The following BCAR3 variants were observed in gnomAD, a reference collection of about 807,000 sequenced individuals.
BCAR3 encodes the protein BCAR3 adaptor protein, NSP family member.
A neutral mutation model predicts 80.1 loss-of-function variants in BCAR3; 37 were observed. The ratio of observed to expected loss-of-function variants is 0.46; its 90% CI spans 0.36 to 0.61. BCAR3 has a LOEUF of 0.61. BCAR3 is among the 20% of genes least tolerant of loss of function. The pLI is 0.00. For missense variants in BCAR3, 978 were observed against 1,068.2 expected (o/e 0.92, Z 1.18); for synonymous variants, 389 against 418.9 (o/e 0.93, Z 0.87).
intron 2 of BCAR3, among the ~76,000 whole-genome samples, chr1:93,803,776 A>T (rs1653571725): frequency 6.6e-6 from 1 of 152,234 alleles, no homozygotes; most frequent in Non-Finnish European, 1.5e-5. Context: ...AAACTCAGGG[A>T]ACACTGAGAA....
intron 3 of BCAR3, among the ~76,000 whole-genome samples, chr1:93,631,398 C>A (rs956096401): frequency 9.9e-5 from 15 of 152,178 alleles, no homozygotes; most frequent in African/African-American, 3.4e-4. Flanking sequence ...GGACACAATT[C>A]AACCCACAGC....
At chr1:93,737,977 G>A (rs1176363037) in intron 2 of BCAR3, among the ~76,000 whole-genome samples, 6 of 152,114 alleles carry the variant, frequency 3.9e-5, no homozygotes. Context: ...GGATAAGCAA[G>A]CACAACCATG....
chr1:93,562,287 A>G lies in BCAR3; in HGVS notation c.2432T>C (p.Leu811Pro), dbSNP rs1672711754. 1 of 1,613,990 alleles carries G rather than the reference A, an allele frequency of 6.2e-7. No individual in the cohort carries two copies. The highest frequency in any genetic ancestry group is 1.7e-5 in the Admixed American group (1 of 60,000). The change falls in exon 12 of 12, where the codon CTC becomes CCC. Residue 811 changes from leucine to proline, a missense_variant. Leu to Pro is a moderately conservative substitution (Grantham distance 98). Transcript: ENST00000260502. The part of the protein sequence containing the change: ...YEKFNQILTA[L>P]SRKLEPPPVK... ...AGGAGGAGGTTCCAATTTACGCGAGAGGGCAGTTAAAATCTGGTTGAATTT... is the reference window on the plus strand; with the variant it reads ...AGGAGGAGGTTCCAATTTACGCGAGGGGGCAGTTAAAATCTGGTTGAATTT...
chr1:93,674,470 T>G, intron 2 of BCAR3, 144 bp downstream of exon 2: 2 of 893,194 alleles, frequency 2.2e-6, no homozygotes, highest in South Asian at 3.6e-5. Flanking sequence ...TGGTCTGGTC[T>G]CAAACTCCTA....
At chr1:93,609,122 C>G (rs1323348425) in intron 3 of BCAR3, among the ~76,000 whole-genome samples, 1 of 152,178 alleles carries the variant, frequency 6.6e-6, no homozygotes, top group Non-Finnish European at 1.5e-5. Flanking sequence ...GCCTGGCACT[C>G]TAGGATGGGC....
chr1:93,657,152 A>G (rs1034611638), intron 2 of BCAR3, among the ~76,000 whole-genome samples: 5 of 152,228 alleles, frequency 3.3e-5, no homozygotes, highest in African/African-American at 1.2e-4. Context: ...CAACCAACAT[A>G]AAGACTTGAC....
chr1:93,721,538 C>G (rs1372874203), intron 2 of BCAR3, among the ~76,000 whole-genome samples: 1 of 152,196 alleles, frequency 6.6e-6, no homozygotes, highest in Admixed American at 6.5e-5. Flanking sequence ...GATACAGGCC[C>G]CAGTGGCCAG....
At chr1:93,619,587 G>C (rs1273590096) in intron 3 of BCAR3, among the ~76,000 whole-genome samples, 1 of 152,192 alleles carries the variant, frequency 6.6e-6, no homozygotes, top group Admixed American at 6.5e-5. Flanking sequence ...ACTTTTGGTA[G>C]GCATGAGCTA....
intron 2 of BCAR3, among the ~76,000 whole-genome samples, chr1:93,766,973 T>A (rs1269133126): frequency 3.3e-5 from 5 of 152,176 alleles, no homozygotes; most frequent in African/African-American, 1.2e-4. Flanking sequence ...TATATAGCTC[T>A]GAGGGTGGGG....
intron 2 of BCAR3, among the ~76,000 whole-genome samples, chr1:93,812,447 T>C (rs1653880987): frequency 6.6e-6 from 1 of 152,160 alleles, no homozygotes; most frequent in Non-Finnish European, 1.5e-5. Flanking sequence ...ACCTGCCAAA[T>C]ATGGTCCAAA....
intron 2 of BCAR3, among the ~76,000 whole-genome samples, chr1:93,787,742 T>C (rs981658078): frequency 6.6e-6 from 1 of 152,264 alleles, no homozygotes; most frequent in Non-Finnish European, 1.5e-5. Context: ...ATATGGTCTA[T>C]CTTGGAGAAT....
chr1:93,799,119 A>T (rs1653387382), intron 2 of BCAR3, among the ~76,000 whole-genome samples: 1 of 152,200 alleles, frequency 6.6e-6, no homozygotes, highest in South Asian at 2.1e-4. Context: ...GAGAAATATG[A>T]TAATGCCTGA....
intron 3 of BCAR3, among the ~76,000 whole-genome samples, chr1:93,690,411 T>C (rs1649148806): frequency 6.6e-6 from 1 of 152,244 alleles, no homozygotes; most frequent in African/African-American, 2.4e-5. Flanking sequence ...CATTTGATTT[T>C]GACAATAATC....
chr1:93,747,644 C>T (rs1169191845), intron 2 of BCAR3, among the ~76,000 whole-genome samples: 2 of 151,624 alleles, frequency 1.3e-5, no homozygotes, highest in African/African-American at 2.4e-5. Flanking sequence ...CTCGTCTCTC[C>T]CATTCCATAT....
chr1:93,569,900 C>G (rs1673138535), intron 9 of BCAR3, among the ~76,000 whole-genome samples: 2 of 152,194 alleles, frequency 1.3e-5, no homozygotes, highest in East Asian at 3.9e-4. Context: ...GAAGGCTTTA[C>G]CCACAGCCTG....
chr1:93,572,004 C>T (rs1202674862), intron 8 of BCAR3, among the ~76,000 whole-genome samples, 163 bp from the exon 9 acceptor site: 2 of 152,196 alleles, frequency 1.3e-5, no homozygotes, highest in Admixed American at 6.5e-5. Context: ...GAGAGAACGC[C>T]CCTTAGCAGG....
intron 2 of BCAR3, among the ~76,000 whole-genome samples, chr1:93,710,300 C>T (rs1649975610): frequency 6.6e-6 from 1 of 152,334 alleles, no homozygotes. Flanking sequence ...GGCCTGGCTG[C>T]CTGGCATGGC....
At chr1:93,609,435 C>A (rs1674884006) in intron 3 of BCAR3, among the ~76,000 whole-genome samples, 1 of 152,146 alleles carries the variant, frequency 6.6e-6, no homozygotes, top group Admixed American at 6.5e-5. Context: ...AGAAAGGTGG[C>A]TTTTCCGCCC....
intron 2 of BCAR3, among the ~76,000 whole-genome samples, chr1:93,758,729 T>C (rs1256312593): frequency 2.0e-5 from 3 of 152,210 alleles, no homozygotes; most frequent in Non-Finnish European, 2.9e-5. Context: ...GTTCACCAAG[T>C]CACTTTATCA....
Sources: gnomAD v4.1 joint callset for allele counts (sites outside exome capture counted in the v4.1 genomes callset) on GRCh38, gnomAD v4.1.1 for gene constraint, MANE v1.5 for transcripts, NCBI Gene and HGNC (gene_info 2026-07-23, HGNC 2026-07-21) for gene names.